The following TBC1D32 variants were observed in gnomAD, a reference collection of about 807,000 sequenced individuals.
The protein encoded by TBC1D32 is protein broad-minded.
TBC1D32 carries 151 observed loss-of-function variants against 170.3 expected under a neutral mutation model. The ratio of observed to expected loss-of-function variants is 0.89; its 90% confidence interval spans 0.78 to 1.01. TBC1D32 has a LOEUF of 1.01. TBC1D32 is among the 50% of genes least tolerant of loss of function. The probability of loss-of-function intolerance (pLI) is 0.00; values close to 1 mark genes in which losing one functional copy is unlikely to be tolerated. For synonymous variants in TBC1D32, 498 were observed against 488.0 expected (o/e 1.02, Z -0.27); for missense variants, 1,464 against 1,457.1 (o/e 1.00, Z -0.08).
chr6:121,101,111 A>T (rs945510493), intron 30 of TBC1D32, among the ~76,000 whole-genome samples: 1 of 152,154 alleles, frequency 6.6e-6, no homozygotes, highest in Non-Finnish European at 1.5e-5. Context: ...TACCAACCAA[A>T]AAAAGTCCAG....
intron 22 of TBC1D32, among the ~76,000 whole-genome samples, chr6:121,176,439 A>G (rs936759280): frequency 6.6e-6 from 1 of 152,134 alleles, no homozygotes; most frequent in Non-Finnish European, 1.5e-5. Flanking sequence ...CCCAAACTCC[A>G]AAATCCAAAA....
At chr6:121,145,455 C>G (rs1783304893) in intron 24 of TBC1D32, among the ~76,000 whole-genome samples, 1 of 151,780 alleles carries the variant, frequency 6.6e-6, no homozygotes, top group Non-Finnish European at 1.5e-5. Flanking sequence ...TTACCAGAAG[C>G]TGGAGGGCAG....
chr6:121,129,808 A>G (rs1781233926), intron 25 of TBC1D32: 29 of 380,830 alleles, frequency 7.6e-5, no homozygotes, highest in South Asian at 5.7e-4. Flanking sequence ...TTCTCCTTTC[A>G]ATGATTGAGT....
chr6:121,107,373 T>C (rs562675742), intron 29 of TBC1D32, among the ~76,000 whole-genome samples: 5 of 151,890 alleles, frequency 3.3e-5, no homozygotes, highest in Non-Finnish European at 7.4e-5. Flanking sequence ...TGCAGAAATA[T>C]ATATTTGTAG....
At chr6:121,255,522 T>C in intron 16 of TBC1D32, 112 bp from the exon 17 acceptor site, 1 of 257,656 alleles carries the variant, frequency 3.9e-6, no homozygotes, top group South Asian at 1.5e-4. Context: ...AATTATATTT[T>C]ATATTTCTTA....
intron 5 of TBC1D32, 147 bp from the exon 6 acceptor site, chr6:121,304,980 A>C (rs1461629387): frequency 4.8e-6 from 3 of 625,102 alleles, no homozygotes; most frequent in Non-Finnish European, 8.4e-6. Context: ...CTTATTTAAA[A>C]AGGGCACACT....
At position 121,256,224 on chromosome 6, in the gene TBC1D32, T is replaced by C. The variant is rs7745023; in HGVS notation, c.1795A>G (p.Ile599Val). 0.52 allele frequency: 843,617 copies of C among 1,613,202 alleles called. 238,386 individuals carry two copies. The highest frequency in any genetic ancestry group is 0.59 in the Non-Finnish European group (695,943 of 1,179,526). The change falls in exon 16 of 32, where the codon ATA (isoleucine) becomes GTA (valine). Residue 599 changes from isoleucine to valine, a missense_variant. This residue lies in a region of TBC1D32 where 1,363 missense variants were observed against 1,338.1 expected (regional missense o/e 1.02). Transcript: ENST00000398212. ...GGCAACATTTCTGATCCAGAAAATATAGAAATATCTTCATCGAGAAGTTTT... is the reference window on the plus strand; with the variant it reads ...GGCAACATTTCTGATCCAGAAAATACAGAAATATCTTCATCGAGAAGTTTT... ...SKKLLDEDIS[I>V]FSGSEMLPVV...
At chr6:121,145,987 G>T (rs112141322) in intron 24 of TBC1D32, among the ~76,000 whole-genome samples, 4,844 of 152,262 alleles carry the variant, frequency 0.032, 127 homozygotes, top group African/African-American at 0.075. Flanking sequence ...TAGCTGGAGA[G>T]AGAAAACAGT....
At chr6:121,305,748 G>T (rs1306049332) in intron 5 of TBC1D32, among the ~76,000 whole-genome samples, 3 of 151,706 alleles carry the variant, frequency 2.0e-5, no homozygotes, top group Non-Finnish European at 2.9e-5. Flanking sequence ...TCAGTTGCAT[G>T]TAAGAGTCCT....
chr6:121,191,959 A>G (rs926643053), intron 22 of TBC1D32, among the ~76,000 whole-genome samples: 19 of 151,732 alleles, frequency 1.3e-4, no homozygotes, highest in African/African-American at 4.1e-4. Context: ...TTGGACTCCA[A>G]GTTCTTCAGT....
At chr6:121,099,902 C>T (rs1007776722) in intron 30 of TBC1D32, among the ~76,000 whole-genome samples, 6 of 151,740 alleles carry the variant, frequency 4.0e-5, no homozygotes, top group Non-Finnish European at 2.9e-5. Context: ...AAAGATATAT[C>T]CAATTACTAG....
At chr6:121,120,260 T>A (rs1238838736) in intron 26 of TBC1D32, among the ~76,000 whole-genome samples, 2 of 152,064 alleles carry the variant, frequency 1.3e-5, no homozygotes, top group African/African-American at 4.8e-5. Flanking sequence ...GCCTAGCTAA[T>A]ACATTCAACA....
At chr6:121,151,440 A>G (rs1332019830) in intron 24 of TBC1D32, among the ~76,000 whole-genome samples, 1 of 152,190 alleles carries the variant, frequency 6.6e-6, no homozygotes, top group African/African-American at 2.4e-5. Flanking sequence ...TGATTTTAGA[A>G]TAAGTGCTAT....
rs1178045525 is a variant in TBC1D32 at position 121,141,240 on chromosome 6, A to ACCT, written c.2774-9489_2774-9488insAGG. ...AATATATTTTAGATAAGGTGGAGATAACTTCTCTGAAGAAGTGACATTTAG... is the reference window on the plus strand; with the variant it reads ...AATATATTTTAGATAAGGTGGAGATACCTACTTCTCTGAAGAAGTGACATTTAG... On this transcript the variant is annotated intron_variant, in intron 24 of 31. Transcript: ENST00000398212. Among the ~76,000 whole-genome samples the ACCT allele has an allele frequency of 9.3e-4, 141 of 152,298 alleles. 2 individuals carry two copies. The South Asian group carries it at 0.029, about 31-fold the overall frequency.
At chr6:121,317,719 A>G (rs1389965558) in intron 2 of TBC1D32, 47 bp from the exon 3 acceptor site, 2 of 1,371,036 alleles carry the variant, frequency 1.5e-6, no homozygotes, top group Admixed American at 2.4e-5. Context: ...ATCAGAAATT[A>G]AAACAGTCAA....
chr6:121,287,601 G>C (rs1159100190), intron 12 of TBC1D32, among the ~76,000 whole-genome samples: 1 of 152,096 alleles, frequency 6.6e-6, no homozygotes, highest in East Asian at 1.9e-4. Context: ...CAACAAGACG[G>C]AAAGTTAACA....
At chr6:121,230,152 T>A (rs1795559116) in intron 20 of TBC1D32, among the ~76,000 whole-genome samples, 3 of 152,150 alleles carry the variant, frequency 2.0e-5, no homozygotes, top group Admixed American at 2.0e-4. Flanking sequence ...AAAGGCACAA[T>A]AAATGCTGTT....
chr6:121,177,352 C>T (rs1466557504), intron 22 of TBC1D32, among the ~76,000 whole-genome samples: 4 of 152,270 alleles, frequency 2.6e-5, no homozygotes, highest in African/African-American at 7.2e-5. Flanking sequence ...TTCCCTCTTG[C>T]TCCTGCTCCT....
chr6:121,294,510 T>C, intron 11 of TBC1D32, 60 bp downstream of exon 11: 2 of 1,270,398 alleles, frequency 1.6e-6, no homozygotes, highest in South Asian at 2.7e-5. Context: ...CCTACTAAAC[T>C]GTATTTACTA....
Sources: allele counts gnomAD v4.1 joint callset (sites outside exome capture counted in the v4.1 genomes callset), GRCh38; gene constraint gnomAD v4.1.1; regional missense constraint gnomAD v4.1.1; transcripts MANE v1.5; gene names NCBI Gene and HGNC (gene_info 2026-07-23, HGNC 2026-07-21).